The following ZNF148 variants were observed in gnomAD, a reference collection of about 807,000 sequenced individuals.
ZNF148 encodes the protein Beta-Enolase Repressor Factor-1.
Under a neutral mutation model 67.7 loss-of-function variants are expected in ZNF148, and 7 were observed. The observed-to-expected ratio is 0.10, with a 90% CI of 0.06 to 0.19. The LOEUF is 0.19. Ranked by LOEUF, ZNF148 falls within the 10% of genes least tolerant of loss-of-function variation. ZNF148 has a pLI of 1.00. For missense variants in ZNF148, 583 were observed against 947.1 expected (o/e 0.62, Z 5.05); for synonymous variants, 333 against 330.7 (o/e 1.01, Z -0.08).
chr3:125,331,098 G>T (rs1010177339), intron 2 of ZNF148, 60 bp downstream of exon 2: 11 of 398,308 alleles, frequency 2.8e-5, no homozygotes, highest in African/African-American at 2.3e-4. Context: ...AGTATGTGTA[G>T]TAACATGGGC....
chr3:125,248,813 A>G, intron 7 of ZNF148, among the ~76,000 whole-genome samples: 1 of 152,226 alleles, frequency 6.6e-6, no homozygotes, highest in East Asian at 1.9e-4. Context: ...TTCAGCAGCT[A>G]TCTCTTCTGG....
intron 7 of ZNF148, among the ~76,000 whole-genome samples, chr3:125,273,501 T>C (rs1458765968): frequency 6.7e-6 from 1 of 149,836 alleles, no homozygotes; most frequent in East Asian, 1.9e-4. Flanking sequence ...AAGAGAATCT[T>C]TTTTTTTTTT....
rs1212729012 is a variant in ZNF148 at position 125,288,165 on chromosome 3, G to C, written c.397C>G (p.Gln133Glu). Residue 133 changes from glutamine (Q) to glutamate (E), a missense_variant, in exon 5 of 9, where the codon CAA becomes GAA. By Grantham distance (29) the Gln-to-Glu change is conservative. Transcript: ENST00000360647. ...VSEQLMRDKKQIREPVDLQKK... is the reference protein window; with the variant it reads ...VSEQLMRDKKEIREPVDLQKK... ...TGTAAGTCTACTGGCTCTCTGATTT[G>C]TTTTTTGTCTCTCATCAGTTGCTCA... 1 of 1,613,654 alleles carries C rather than the reference G, an allele frequency of 6.2e-7. No homozygotes were observed. Among genetic ancestry groups the C allele is most frequent in the Admixed American group, 1.7e-5 (1 of 59,932 alleles).
intron 4 of ZNF148, among the ~76,000 whole-genome samples, chr3:125,307,642 A>C (rs747842023): frequency 4.0e-5 from 6 of 151,040 alleles, no homozygotes; most frequent in Non-Finnish European, 7.4e-5. Flanking sequence ...TCTATGAAAA[A>C]CCTACACCTA....
chr3:125,371,899 C>G (rs1388685758), intron 1 of ZNF148, among the ~76,000 whole-genome samples: 1 of 151,484 alleles, frequency 6.6e-6, no homozygotes, highest in Admixed American at 6.6e-5. Context: ...CCCGTCTCTA[C>G]TAAAAATACA....
chr3:125,279,266 G>C lies in ZNF148; in HGVS notation c.460-19C>G. On this transcript the variant is annotated intron_variant, in intron 5 of 8. Transcript: ENST00000360647. ...TAAGGATCTAGTTCAAAAAAAAAAA[G>C]GCAAAAACAAAAGAAATAAGTTTTT... 1 of 706,106 alleles carries C rather than the reference G, an allele frequency of 1.4e-6. No individual in the cohort carries two copies. The highest frequency in any genetic ancestry group is 2.1e-6 in the Non-Finnish European group (1 of 486,286). 43.7% of individuals were successfully genotyped at this position (706,106 alleles called of 1,614,324 possible). A position where few individuals can be genotyped will look rare whatever the true frequency, so the allele number is the denominator to read the frequency against.
intron 4 of ZNF148, among the ~76,000 whole-genome samples, chr3:125,310,158 C>A (rs1244500002): frequency 2.0e-5 from 3 of 149,300 alleles, no homozygotes; most frequent in African/African-American, 5.0e-5. Flanking sequence ...TGGCTCACTG[C>A]AACCTCTGCC....
chr3:125,342,667 A>G (rs1235040442), intron 1 of ZNF148, among the ~76,000 whole-genome samples: 1 of 152,138 alleles, frequency 6.6e-6, no homozygotes, highest in Non-Finnish European at 1.5e-5. Flanking sequence ...AAAGAAAATG[A>G]TTTTTTTAAA....
chr3:125,289,497 T>G (rs546893822), intron 4 of ZNF148, among the ~76,000 whole-genome samples: 1 of 152,308 alleles, frequency 6.6e-6, no homozygotes, highest in African/African-American at 2.4e-5. Flanking sequence ...TCTGGCTTCG[T>G]TGGTATCAAT....
chr3:125,282,732 T>C (rs1490685928), intron 5 of ZNF148, among the ~76,000 whole-genome samples: 2 of 152,146 alleles, frequency 1.3e-5, no homozygotes, highest in Non-Finnish European at 2.9e-5. Flanking sequence ...TATACACATA[T>C]GGTAAAGGTT....
intron 7 of ZNF148, among the ~76,000 whole-genome samples, chr3:125,237,357 G>A (rs1239546652): frequency 6.6e-6 from 1 of 152,154 alleles, no homozygotes; most frequent in Non-Finnish European, 1.5e-5. Flanking sequence ...TGTGGTGGGT[G>A]AACTGCTTGA....
intron 1 of ZNF148, among the ~76,000 whole-genome samples, chr3:125,341,576 AC>A (rs879892431): frequency 3.3e-5 from 5 of 151,756 alleles, no homozygotes; most frequent in Non-Finnish European, 5.9e-5. Flanking sequence ...AGCTGTGATC[AC>A]ACCACTGCAC....
chr3:125,239,656 G>A (rs986962394), intron 7 of ZNF148, among the ~76,000 whole-genome samples: 50 of 152,210 alleles, frequency 3.3e-4, no homozygotes, highest in African/African-American at 9.4e-4. Flanking sequence ...TCACCCCTAA[G>A]CACATACCCA....
At chr3:125,282,498 T>C (rs962879058) in intron 5 of ZNF148, among the ~76,000 whole-genome samples, 7 of 152,182 alleles carry the variant, frequency 4.6e-5, no homozygotes, top group Non-Finnish European at 7.4e-5. Context: ...GTATATTACA[T>C]AGACCAAGCA....
At chr3:125,255,139 C>A (rs1375323076) in intron 7 of ZNF148, among the ~76,000 whole-genome samples, 1 of 149,114 alleles carries the variant, frequency 6.7e-6, no homozygotes, top group East Asian at 2.1e-4. Context: ...TTTCAGACTA[C>A]AAATATTTTA....
In ZNF148 at chr3:125,335,961, C is replaced by T. The variant is rs567522992; in HGVS notation, c.-233-4723G>A. The stretch of plus-strand genomic sequence containing the variant: ...ATAAGAGATGTGTTAGAAGAAACTC[C>T]CACAAAAATTCTGTCAAGAATATAA... On this transcript the variant is annotated intron_variant, in intron 1 of 8. Coordinates refer to ENST00000360647, the MANE Select transcript of ZNF148 (RefSeq NM_021964.3). Among the ~76,000 whole-genome samples, 3 of 152,172 alleles carry T rather than the reference C, an allele frequency of 2.0e-5. No homozygotes were observed. In the South Asian group the frequency reaches 6.2e-4, roughly 32 times the overall value.
chr3:125,264,424 T>C (rs965883554), intron 7 of ZNF148, among the ~76,000 whole-genome samples: 2 of 152,170 alleles, frequency 1.3e-5, no homozygotes, highest in South Asian at 2.1e-4. Context: ...GTTGGAGAAG[T>C]GTTTGTTGGT....
intron 1 of ZNF148, among the ~76,000 whole-genome samples, chr3:125,345,864 A>C (rs974100732): frequency 4.6e-5 from 7 of 152,072 alleles, no homozygotes; most frequent in South Asian, 4.1e-4. Flanking sequence ...ACAAAAAAAA[A>C]CCTGCAGGCT....
At chr3:125,272,801 T>C (rs1937827686) in intron 7 of ZNF148, among the ~76,000 whole-genome samples, 1 of 152,072 alleles carries the variant, frequency 6.6e-6, no homozygotes, top group Non-Finnish European at 1.5e-5. Context: ...TAAAAAAAAA[T>C]TGGTTTCTAA....
Sources: allele counts gnomAD v4.1 joint callset (sites outside exome capture counted in the v4.1 genomes callset), GRCh38; gene constraint gnomAD v4.1.1; transcripts MANE v1.5; gene names NCBI Gene and HGNC (gene_info 2026-07-23, HGNC 2026-07-21).